Variants in BMP1 observed in about 807,000 individuals in gnomAD.
BMP1 encodes mammalian tolloid protein.
Under a neutral mutation model 116.8 loss-of-function variants are expected in BMP1, and 63 were observed. The observed-to-expected ratio is 0.54, with a 90% CI of 0.44 to 0.67. The LOEUF (loss-of-function observed/expected upper bound fraction) is 0.67, where lower values mean the gene tolerates loss of function less well. Among genes scored for constraint, BMP1 ranks in the 30% least tolerant of loss-of-function variants. BMP1 has a pLI of 0.00. For missense variants in BMP1, 1,183 were observed against 1,358.9 expected, an observed-to-expected ratio of 0.87 and a Z score of 2.04; for synonymous variants, 536 against 533.4, an observed-to-expected ratio of 1.00 and a Z score of -0.07.
chr8:22,195,049 A>T, intron 12 of BMP1, 130 bp downstream of exon 12: 1 of 1,032,986 alleles, frequency 9.7e-7, no homozygotes. Context: ...TGTGCCCTTA[A>T]GGAGCTCTGG....
intron 1 of BMP1, chr8:22,171,617 G>T (rs1158028487): frequency 6.6e-6 from 1 of 152,166 alleles, no homozygotes; most frequent in Non-Finnish European, 1.5e-5. Flanking sequence ...TTGTATATAT[G>T]TATTTACAGT....
chr8:22,199,213 G>T (rs775016031), intron 15 of BMP1: 3 of 1,367,378 alleles, frequency 2.2e-6, no homozygotes, highest in Non-Finnish European at 2.9e-6. Flanking sequence ...CCCACTGGGG[G>T]CATCGAGGCT....
intron 14 of BMP1, 82 bp from the exon 15 acceptor site, chr8:22,197,158 A>T: frequency 6.5e-7 from 1 of 1,528,086 alleles, no homozygotes; most frequent in East Asian, 2.3e-5. Context: ...AAGGATGTGC[A>T]GAACAGAGAG....
chr8:22,207,986 C>T (rs569537117), intron 18 of BMP1, among the ~76,000 whole-genome samples: 104 of 152,160 alleles, frequency 6.8e-4, no homozygotes, highest in South Asian at 3.1e-3. Context: ...TGGGTTCAAG[C>T]GATTCCCCTG....
At chr8:22,206,451 G>A (rs1384689841) in intron 16 of BMP1, among the ~76,000 whole-genome samples, 8 of 149,664 alleles carry the variant, frequency 5.3e-5, no homozygotes, top group East Asian at 2.0e-4. Flanking sequence ...GCAGTGAGCC[G>A]AGATCACACC....
Position 22,198,844 on chromosome 8 carries a change from C to A in BMP1, c.2107+1424C>A, listed in dbSNP as rs140344317. ...CCGTTGACCTCCTGCCCCCAACCCCCGCTTGCTGAGACCCTCCCCATGCCA... is the reference window on the plus strand; with the variant it reads ...CCGTTGACCTCCTGCCCCCAACCCCAGCTTGCTGAGACCCTCCCCATGCCA... On this transcript the variant is annotated intron_variant, in intron 15 of 19. Transcript: ENST00000306385. 575 of 817,874 alleles carry A rather than the reference C, an allele frequency of 7.0e-4. 2 individuals carry two copies. The African/African-American group carries it at 0.01, about 14-fold the overall frequency. The allele number at this position is 817,874 out of a possible 1,614,324, so 50.7% of individuals were successfully genotyped here.
chr8:22,194,569 C>T lies in BMP1; in HGVS notation c.1422C>T (p.Gly474=), dbSNP rs1214206754. The T allele has an allele frequency of 3.1e-6, 5 of 1,614,034 alleles. No individual in the cohort carries two copies. In the Admixed American group the frequency reaches 5.0e-5, roughly 16 times the overall value. The change falls in exon 11 of 20, where the codon GGC becomes GGT. Residue 474 remains glycine, a synonymous_variant. Transcript: ENST00000306385. The surrounding 1 kb of genome is among the most constrained non-coding windows in gnomAD (Gnocchi z 4.5). The part of the protein sequence containing the change: ...RIQVSEGFHV[G]LTFQSFEIER... ...AGGTGTCTGAGGGCTTCCACGTGGG[C>T]CTCACATTCCAGTCCTTTGAGGTAG...
rs558518353 is a variant in BMP1 at position 22,185,608 on chromosome 8, C to G, written c.1077+5125C>G. Among the ~76,000 whole-genome samples the G allele has an allele frequency of 2.6e-4, 39 of 151,416 alleles. No individual in the cohort carries two copies. The South Asian group carries it at 7.9e-3, about 31-fold the overall frequency. On this transcript the variant is annotated intron_variant, in intron 8 of 19. Coordinates refer to ENST00000306385, the MANE Select transcript of BMP1 (RefSeq NM_006129.5). ...CCTGCCTCCTGATATGCTACGTGTT[C>G]TTCAAGGTCCAACCCAAATTCTTTT...
intron 8 of BMP1, among the ~76,000 whole-genome samples, chr8:22,181,835 G>A (rs903770311): frequency 5.9e-5 from 9 of 152,090 alleles, no homozygotes; most frequent in Non-Finnish European, 7.4e-5. Context: ...GATTACAGGC[G>A]TGAGCCACCG....
rs1189215947 is a variant in BMP1, at chr8:22,177,108, C to A, written c.699C>A (p.His233Gln). 1.2e-6 allele frequency: 2 copies of A among 1,609,930 alleles called. No homozygotes were observed. The highest frequency in any genetic ancestry group is 1.3e-5 in the African/African-American group (1 of 74,842). The change falls in exon 5 of 20, where the codon CAC (histidine) becomes CAA (glutamine). Residue 233 changes from histidine to glutamine, a missense_variant. Physicochemically the swap from His to Gln is conservative, Grantham distance 24. This residue lies in a region of BMP1 where 956 missense variants were observed against 1,135.2 expected (regional missense o/e 0.84). Transcript: ENST00000306385. ...HEHTRPDRDR[H>Q]VSIVRENIQP... Reference sequence around the variant, plus strand: ...ACACTCGGCCAGACCGGGACCGCCACGTTTCCATCGTTCGTGAGAACATCC... The same window carrying A: ...ACACTCGGCCAGACCGGGACCGCCAAGTTTCCATCGTTCGTGAGAACATCC...
chr8:22,207,434 G>A lies in BMP1; in HGVS notation c.2493G>A (p.Leu831=). The A allele has an allele frequency of 6.2e-7, 1 of 1,614,146 alleles. No homozygotes were observed. Among genetic ancestry groups the A allele is most frequent in the Non-Finnish European group, 8.5e-7 (1 of 1,180,044 alleles). The change falls in exon 18 of 20, where the codon CTG becomes CTA. Residue 831 remains leucine (L), a synonymous_variant. Coordinates refer to ENST00000306385, the MANE Select transcript of BMP1 (RefSeq NM_006129.5). The part of the protein sequence containing the change: ...FCGSKKPEPV[L]ATGSRMFLRF... The stretch of plus-strand genomic sequence containing the variant: ...GGAGCAAGAAGCCCGAGCCCGTCCT[G>A]GCCACAGGCAGCCGCATGTTCCTGC...
At chr8:22,188,321 A>C (rs796160880) in intron 8 of BMP1, among the ~76,000 whole-genome samples, 59 of 151,922 alleles carry the variant, frequency 3.9e-4, no homozygotes, top group African/African-American at 1.3e-3. Context: ...GGCATGCGCC[A>C]TCATGCCCGG....
chr8:22,196,968 G>C, intron 14 of BMP1, 128 bp downstream of exon 14: 1 of 1,305,856 alleles, frequency 7.7e-7, no homozygotes, highest in Non-Finnish European at 1.0e-6. Flanking sequence ...AGGAGAGACT[G>C]CTCCCAGCTC....
In BMP1 at chr8:22,181,856, G is replaced by GT. The variant is rs559852992; in HGVS notation, c.1077+1374dup. On this transcript the variant is annotated intron_variant, in intron 8 of 19. Transcript: ENST00000306385. The stretch of plus-strand genomic sequence containing the variant: ...AGGCGTGAGCCACCGCATCTGGCCT[G>GT]TAGCCAGCTCTTAATGTTACAACGT... Among the ~76,000 whole-genome samples the GT allele has an allele frequency of 2.8e-3, 419 of 152,226 alleles. 3 individuals carry two copies. Among genetic ancestry groups the GT allele is most frequent in the African/African-American group, 9.7e-3 (404 of 41,548 alleles).
At position 22,206,994 on chromosome 8, in the gene BMP1, C is replaced by G. The variant is rs964118472; in HGVS notation, c.2361+13C>G. The G allele has an allele frequency of 6.2e-7, 1 of 1,613,688 alleles. No homozygotes were observed. The highest frequency in any genetic ancestry group is 8.5e-7 in the Non-Finnish European group (1 of 1,179,846). The stretch of plus-strand genomic sequence containing the variant: ...CCGGGTCAAGCTGGTAAGGGGTCCC[C>G]TCCCCACTCCTTATGCGGTGTGGCT... On this transcript the variant is annotated intron_variant, in intron 17 of 19. Transcript: ENST00000306385.
Position 22,194,953 on chromosome 8 carries a change from T to A in BMP1, c.1639+34T>A. On this transcript the variant is annotated intron_variant, in intron 12 of 19. Coordinates refer to ENST00000306385, the MANE Select transcript of BMP1 (RefSeq NM_006129.5). The surrounding 1 kb of genome is among the most constrained non-coding windows in gnomAD (Gnocchi z 4.5). ...TCTGTTACTCTCCCCTGCCCCAAGGTGCCTCGTGACCTTCATCCCTTCTTC... is the reference window on the plus strand; with the variant it reads ...TCTGTTACTCTCCCCTGCCCCAAGGAGCCTCGTGACCTTCATCCCTTCTTC... The A allele has an allele frequency of 6.4e-7, 1 of 1,567,838 alleles. No homozygotes were observed. Among genetic ancestry groups the A allele is most frequent in the Non-Finnish European group, 8.6e-7 (1 of 1,156,864 alleles).
chr8:22,185,630 T>C (rs1323826442), intron 8 of BMP1, among the ~76,000 whole-genome samples: 1 of 151,854 alleles, frequency 6.6e-6, no homozygotes, highest in Non-Finnish European at 1.5e-5. Flanking sequence ...ACCCAAATTC[T>C]TTTTTTATTG....
intron 16 of BMP1, among the ~76,000 whole-genome samples, chr8:22,206,398 A>G (rs766589120): frequency 1.3e-5 from 2 of 151,972 alleles, no homozygotes; most frequent in Middle Eastern, 3.4e-3. Context: ...GATACTGAGG[A>G]GGCTAAGGCA....
rs754422233 is a variant in BMP1, at chr8:22,192,035, C to T, written c.1078-14C>T. 5 of 1,605,566 alleles carry T rather than the reference C, an allele frequency of 3.1e-6. No homozygotes were observed. The Admixed American group carries it at 8.3e-5, about 27-fold the overall frequency. On this transcript the variant is annotated splice_polypyrimidine_tract_variant and intron_variant, in intron 8 of 19. Transcript: ENST00000306385. ...TCGGGACAGCTTAACCCTCTTCCTC[C>T]CCTGTTGCCCTAGATCATCCTGAAC...
Sources: allele counts gnomAD v4.1 joint callset (sites outside exome capture counted in the v4.1 genomes callset), GRCh38; gene constraint gnomAD v4.1.1; regional missense constraint gnomAD v4.1.1; non-coding constraint Gnocchi (gnomAD v3.1); transcripts MANE v1.5; gene names NCBI Gene and HGNC (gene_info 2026-07-23, HGNC 2026-07-21).